Variants in KCNMA1 observed in about 807,000 individuals in gnomAD.
The protein encoded by KCNMA1 is potassium calcium-activated channel subfamily M alpha 1, also known as Calcium-activated potassium channel subunit alpha-1.
A neutral mutation model predicts 140.0 loss-of-function variants in KCNMA1; 29 were observed. The observed-to-expected ratio is 0.21, with a 90% confidence interval of 0.15 to 0.28. KCNMA1 has a LOEUF of 0.28. Among genes scored for constraint, KCNMA1 ranks in the 10% least tolerant of loss-of-function variants. The pLI is 1.00. For synonymous variants in KCNMA1, 612 were observed against 611.9 expected (o/e 1.00, Z 0.00); for missense variants, 880 against 1,602.2 (o/e 0.55, Z 7.70).
intron 1 of KCNMA1, among the ~76,000 whole-genome samples, chr10:77,510,323 G>A (rs2047906965): frequency 1.3e-5 from 2 of 151,984 alleles, no homozygotes; most frequent in East Asian, 3.9e-4. Flanking sequence ...ATTGTGCATA[G>A]CTTCTGCCAC....
chr10:77,045,932 C>T (rs1320187087), intron 14 of KCNMA1, among the ~76,000 whole-genome samples: 2 of 152,072 alleles, frequency 1.3e-5, no homozygotes, highest in African/African-American at 4.8e-5. Context: ...TATACTAGTC[C>T]TTATTTAATT....
At chr10:76,989,403 A>T (rs1420834043) in intron 19 of KCNMA1, among the ~76,000 whole-genome samples, 7 of 152,168 alleles carry the variant, frequency 4.6e-5, no homozygotes, top group African/African-American at 1.7e-4. Context: ...TGGGTAATAG[A>T]CATCAGCATT....
At chr10:77,628,742 CATA>C (rs2092841434) in intron 1 of KCNMA1, among the ~76,000 whole-genome samples, 1 of 152,086 alleles carries the variant, frequency 6.6e-6, no homozygotes, top group Non-Finnish European at 1.5e-5. Flanking sequence ...GGGAGATCTA[CATA>C]ATGTTTACCT....
intron 2 of KCNMA1, among the ~76,000 whole-genome samples, chr10:77,348,356 G>T (rs1198402804): frequency 6.6e-6 from 1 of 152,204 alleles, no homozygotes; most frequent in African/African-American, 2.4e-5. Flanking sequence ...GAAAGCAAAA[G>T]TGAAGAGGCC....
At chr10:77,600,772 CACACACAT>C (rs2082385992) in intron 1 of KCNMA1, among the ~76,000 whole-genome samples, 1 of 145,790 alleles carries the variant, frequency 6.9e-6, no homozygotes, top group African/African-American at 2.6e-5. Context: ...CACACATGCA[CACACACAT>C]ATGCGCACAT....
intron 24 of KCNMA1, chr10:76,912,313 G>A (rs1211077476): frequency 6.6e-6 from 1 of 152,210 alleles, no homozygotes; most frequent in Non-Finnish European, 1.5e-5. Context: ...CATCAATTGA[G>A]AGTCTCCAAG....
chr10:77,633,506 T>A (rs1001395235), intron 1 of KCNMA1, among the ~76,000 whole-genome samples: 8 of 151,976 alleles, frequency 5.3e-5, no homozygotes. Flanking sequence ...CAGGACAGGA[T>A]GAGATGAGGC....
At chr10:77,104,928 G>A (rs2097170752) in intron 9 of KCNMA1, among the ~76,000 whole-genome samples, 2 of 152,200 alleles carry the variant, frequency 1.3e-5, no homozygotes, top group Non-Finnish European at 2.9e-5. Flanking sequence ...CAAAGGAAAG[G>A]AGGAGGAGGC....
At chr10:77,201,841 T>C (rs1335031287) in intron 3 of KCNMA1, among the ~76,000 whole-genome samples, 2 of 151,890 alleles carry the variant, frequency 1.3e-5, no homozygotes, top group African/African-American at 2.4e-5. Context: ...AAAAAAGTGC[T>C]TGTAAAAACT....
intron 5 of KCNMA1, among the ~76,000 whole-genome samples, chr10:77,151,140 CTTCT>C (rs369462001): frequency 2.9e-3 from 429 of 147,328 alleles, no homozygotes; most frequent in Non-Finnish European, 4.5e-3. Context: ...TCCTTTCTTT[CTTCT>C]TTCTTTCTTT....
chr10:76,950,257 G>A (rs944166116), intron 21 of KCNMA1, among the ~76,000 whole-genome samples: 1 of 152,150 alleles, frequency 6.6e-6, no homozygotes, highest in African/African-American at 2.4e-5. Flanking sequence ...ACTTTCCAGG[G>A]ACATTTCTGG....
chr10:77,408,659 G>A (rs927120926), intron 1 of KCNMA1, among the ~76,000 whole-genome samples: 2 of 152,154 alleles, frequency 1.3e-5, no homozygotes, highest in Non-Finnish European at 2.9e-5. Context: ...AAGAAAAGAT[G>A]TCTTGGGAAA....
At chr10:77,133,321 T>C (rs1435206390) in intron 5 of KCNMA1, among the ~76,000 whole-genome samples, 2 of 151,976 alleles carry the variant, frequency 1.3e-5, no homozygotes, top group Non-Finnish European at 2.9e-5. Flanking sequence ...CTTTCACCTA[T>C]GGAAAGACAG....
intron 2 of KCNMA1, among the ~76,000 whole-genome samples, chr10:77,258,871 G>A (rs1309184844): frequency 2.6e-5 from 4 of 152,138 alleles, no homozygotes; most frequent in African/African-American, 7.2e-5. Context: ...GCTGAGGCAG[G>A]AGAATTGCTT....
intron 1 of KCNMA1, among the ~76,000 whole-genome samples, chr10:77,545,452 G>A (rs1307530215): frequency 1.3e-5 from 2 of 152,158 alleles, no homozygotes; most frequent in East Asian, 3.8e-4. Context: ...TGAGGGAATC[G>A]CTGGCACTCT....
At chr10:77,007,095 G>C (rs756711313) in intron 18 of KCNMA1, among the ~76,000 whole-genome samples, 36 of 152,132 alleles carry the variant, frequency 2.4e-4, no homozygotes, top group South Asian at 8.3e-4. Flanking sequence ...CTTTTCAGTA[G>C]AGCCTTACAA....
At chr10:77,547,154 T>A (rs1172605315) in intron 1 of KCNMA1, among the ~76,000 whole-genome samples, 1 of 152,200 alleles carries the variant, frequency 6.6e-6, no homozygotes, top group Non-Finnish European at 1.5e-5. Flanking sequence ...CAAGGGTGTT[T>A]ACTAGGAGTG....
At chr10:77,237,934 T>C (rs2056096068) in intron 3 of KCNMA1, among the ~76,000 whole-genome samples, 1 of 152,208 alleles carries the variant, frequency 6.6e-6, no homozygotes, top group African/African-American at 2.4e-5. Context: ...CTCTCAGGCC[T>C]GTCTGTTGCG....
At chr10:77,276,299 G>A (rs75055100) in intron 2 of KCNMA1, among the ~76,000 whole-genome samples, 8 of 152,196 alleles carry the variant, frequency 5.3e-5, no homozygotes, top group Admixed American at 5.2e-4. Context: ...TCCTGCAGGG[G>A]CCTGCTAACA....
Sources: gnomAD v4.1 joint callset for allele counts (sites outside exome capture counted in the v4.1 genomes callset) on GRCh38, gnomAD v4.1.1 for gene constraint, MANE v1.5 for transcripts, NCBI Gene and HGNC (gene_info 2026-07-23, HGNC 2026-07-21) for gene names.